Variants in ADK observed in about 807,000 individuals in gnomAD.
The protein encoded by ADK is N6,N6-dimethyladenosine kinase.
A neutral mutation model predicts 44.7 loss-of-function variants in ADK; 24 were observed. That is an observed-to-expected ratio of 0.54 (90% CI 0.39 to 0.76). ADK has a LOEUF of 0.76. Among genes scored for constraint, ADK ranks in the 30% least tolerant of loss-of-function variants. The pLI is 0.00. For synonymous variants in ADK, 128 were observed against 142.6 expected (o/e 0.90, Z 0.73); for missense variants, 321 against 425.1 (o/e 0.76, Z 2.15).
chr10:74,672,522 C>A (rs1410762118), intron 10 of ADK, among the ~76,000 whole-genome samples: 1 of 152,186 alleles, frequency 6.6e-6, no homozygotes, highest in Non-Finnish European at 1.5e-5. Context: ...CAGGTAGAAA[C>A]TAGGCAGGAC....
chr10:74,598,613 A>G lies in ADK; in HGVS notation c.763-1766A>G, dbSNP rs146845860. Among the ~76,000 whole-genome samples, 622 of 151,560 alleles carry G rather than the reference A, an allele frequency of 4.1e-3. 8 individuals are homozygous for G. Among genetic ancestry groups the G allele is most frequent in the African/African-American group, 0.014 (571 of 41,372 alleles). On this transcript the variant is annotated intron_variant, in intron 8 of 10. Coordinates refer to ENST00000539909, the MANE Select transcript of ADK (RefSeq NM_006721.4). Reference sequence around the variant, plus strand: ...CTACAGACACGTGCCACCATGCCCAACTAATTTTTGTATTTTTAGTAAAGA... The same window carrying G: ...CTACAGACACGTGCCACCATGCCCAGCTAATTTTTGTATTTTTAGTAAAGA...
intron 7 of ADK, among the ~76,000 whole-genome samples, chr10:74,563,220 A>AGT (rs1371420770): frequency 4.6e-5 from 7 of 151,990 alleles, no homozygotes; most frequent in African/African-American, 1.2e-4. Context: ...GCACCTCCAC[A>AGT]CCTGACTTCT....
chr10:74,462,703 AATT>A (rs1460802232), intron 6 of ADK, among the ~76,000 whole-genome samples: 4 of 152,280 alleles, frequency 2.6e-5, no homozygotes, highest in African/African-American at 9.6e-5. Flanking sequence ...TTAGGTAGTG[AATT>A]ATTCTTGTTA....
intron 5 of ADK, among the ~76,000 whole-genome samples, chr10:74,395,270 A>G (rs545716985): frequency 1.3e-5 from 2 of 151,224 alleles, no homozygotes; most frequent in East Asian, 3.9e-4. Flanking sequence ...CCCCCTCTCC[A>G]CCACGACCTT....
At chr10:74,355,324 A>T (rs1437375179) in intron 4 of ADK, among the ~76,000 whole-genome samples, 1 of 152,226 alleles carries the variant, frequency 6.6e-6, no homozygotes, top group Admixed American at 6.5e-5. Flanking sequence ...GTATAAGTTA[A>T]CTTTTTAAAA....
intron 9 of ADK, among the ~76,000 whole-genome samples, chr10:74,668,361 A>G (rs1440427994): frequency 6.6e-6 from 1 of 152,144 alleles, no homozygotes; most frequent in Non-Finnish European, 1.5e-5. Flanking sequence ...AATTCTGGAT[A>G]TTTGTGCCAT....
At chr10:74,154,457 C>T (rs541827865) in intron 1 of ADK, among the ~76,000 whole-genome samples, 3 of 152,028 alleles carry the variant, frequency 2.0e-5, no homozygotes, top group Non-Finnish European at 4.4e-5. Flanking sequence ...TTAGTAGAGA[C>T]GGGATTTTGC....
rs181325482 is a variant in ADK at position 74,291,976 on chromosome 10, G to A, written c.195-22691G>A. 3.3e-5 allele frequency among the ~76,000 whole-genome samples: 5 copies of A among 152,240 alleles called. No individual in the cohort carries two copies. In the East Asian group the frequency reaches 7.7e-4, roughly 23 times the overall value. On this transcript the variant is annotated intron_variant, in intron 3 of 10. Transcript: ENST00000539909. The stretch of plus-strand genomic sequence containing the variant: ...AGAGTTCAGATTTTAAATCCAAGAT[G>A]TCATTTTTGAGGTAAATTTGTCAGG...
At chr10:74,349,426 G>T (rs1377064457) in intron 4 of ADK, among the ~76,000 whole-genome samples, 1 of 152,154 alleles carries the variant, frequency 6.6e-6, no homozygotes, top group African/African-American at 2.4e-5. Context: ...ACTAAATGTG[G>T]AAAGGAAAAA....
At chr10:74,294,687 G>T (rs1839748859) in intron 3 of ADK, among the ~76,000 whole-genome samples, 1 of 152,150 alleles carries the variant, frequency 6.6e-6, no homozygotes, top group African/African-American at 2.4e-5. Context: ...TGGTAAACTG[G>T]CAGTGGTATA....
At chr10:74,296,879 G>T (rs1351887461) in intron 3 of ADK, among the ~76,000 whole-genome samples, 1 of 152,084 alleles carries the variant, frequency 6.6e-6, no homozygotes, top group African/African-American at 2.4e-5. Context: ...CTCCCAAAGT[G>T]CTGGGATTAC....
At chr10:74,511,867 TTGTC>T (rs1043080022) in intron 6 of ADK, among the ~76,000 whole-genome samples, 3 of 152,186 alleles carry the variant, frequency 2.0e-5, no homozygotes, top group South Asian at 2.1e-4. Context: ...GAGGGCATCA[TTGTC>T]TGTTCCAGTT....
At chr10:74,504,760 A>C (rs1253282145) in intron 6 of ADK, among the ~76,000 whole-genome samples, 1 of 151,952 alleles carries the variant, frequency 6.6e-6, no homozygotes, top group Non-Finnish European at 1.5e-5. Context: ...GGAACCTGTT[A>C]GTTTTATAAG....
intron 9 of ADK, among the ~76,000 whole-genome samples, chr10:74,607,861 G>A (rs1176945538): frequency 6.6e-6 from 1 of 151,316 alleles, no homozygotes; most frequent in Non-Finnish European, 1.5e-5. Flanking sequence ...ATCACTTTCA[G>A]GTACACCAAT....
chr10:74,168,595 T>C (rs1591800232), intron 1 of ADK, among the ~76,000 whole-genome samples: 2 of 150,364 alleles, frequency 1.3e-5, no homozygotes, highest in East Asian at 2.0e-4. Flanking sequence ...AGATCAGATC[T>C]ACGTTGAAAT....
At chr10:74,567,126 T>A (rs534662769) in intron 7 of ADK, among the ~76,000 whole-genome samples, 1 of 152,342 alleles carries the variant, frequency 6.6e-6, no homozygotes, top group East Asian at 1.9e-4. Context: ...AGATTCCAAG[T>A]CCAGGACTCT....
At chr10:74,341,096 T>C (rs1007419486) in intron 4 of ADK, among the ~76,000 whole-genome samples, 1 of 152,178 alleles carries the variant, frequency 6.6e-6, no homozygotes, top group African/African-American at 2.4e-5. Flanking sequence ...ATAGTTAACA[T>C]TCAAAGTTAA....
At chr10:74,572,576 T>C (rs1589259874) in intron 7 of ADK, among the ~76,000 whole-genome samples, 1 of 152,278 alleles carries the variant, frequency 6.6e-6, no homozygotes, top group Non-Finnish European at 1.5e-5. Flanking sequence ...GAAGTTCTCC[T>C]GGATAATATC....
At chr10:74,190,351 C>T (rs1052855435) in intron 1 of ADK, among the ~76,000 whole-genome samples, 14 of 152,294 alleles carry the variant, frequency 9.2e-5, no homozygotes, top group Middle Eastern at 3.4e-3. Flanking sequence ...CCTGTTTTGC[C>T]GAGCTTCATG....
Sources: allele counts gnomAD v4.1 joint callset (sites outside exome capture counted in the v4.1 genomes callset), GRCh38; gene constraint gnomAD v4.1.1; transcripts MANE v1.5; gene names NCBI Gene and HGNC (gene_info 2026-07-23, HGNC 2026-07-21).